The following FAM81A variants were observed in gnomAD, a reference collection of about 807,000 sequenced individuals.
FAM81A encodes the protein protein FAM81A.
A neutral mutation model predicts 46.7 loss-of-function variants in FAM81A; 19 were observed. The observed-to-expected ratio is 0.41, with a 90% CI of 0.28 to 0.60. FAM81A has a LOEUF of 0.60. Among genes scored for constraint, FAM81A ranks in the 20% least tolerant of loss-of-function variants. The pLI is 0.34. For missense variants in FAM81A, 377 were observed against 453.5 expected, an observed-to-expected ratio of 0.83 and a Z score of 1.53; for synonymous variants, 183 against 152.9, an observed-to-expected ratio of 1.20 and a Z score of -1.45.
intron 8 of FAM81A, among the ~76,000 whole-genome samples, chr15:59,519,243 C>T (rs2082300884): frequency 1.3e-5 from 2 of 151,686 alleles, no homozygotes; most frequent in Admixed American, 6.6e-5. Flanking sequence ...GGCTGGAGTG[C>T]AGTGGTGCAG....
intron 1 of FAM81A, among the ~76,000 whole-genome samples, chr15:59,441,632 C>T (rs2081298711): frequency 6.6e-6 from 1 of 152,232 alleles, no homozygotes; most frequent in Admixed American, 6.5e-5. Flanking sequence ...GCATAGGTGT[C>T]CTGGCTGCAG....
At position 59,522,641 on chromosome 15, in the gene FAM81A, G is replaced by C. The variant is rs1221395066; in HGVS notation, c.*1263G>C. On this transcript the variant is annotated 3_prime_UTR_variant, in exon 9 of 9. Transcript: ENST00000288228. ...TCATCTCTGTATGTAAAAACTGACA[G>C]TGAGACACAACGTTCTGAACTGTGA... 3.3e-5 allele frequency: 5 copies of C among 152,524 alleles called. No homozygotes were observed. Among genetic ancestry groups the C allele is most frequent in the Non-Finnish European group, 7.3e-5 (5 of 68,032 alleles). 9.4% of individuals were successfully genotyped at this position (152,524 alleles called of 1,614,324 possible).
intron 2 of FAM81A, among the ~76,000 whole-genome samples, chr15:59,415,471 A>C (rs537544400): frequency 5.9e-5 from 9 of 152,302 alleles, no homozygotes; most frequent in African/African-American, 1.7e-4. Flanking sequence ...CAATCTAATC[A>C]TGAGTGCTTA....
rs189635832 is a variant in FAM81A at position 59,473,843 on chromosome 15, T to C, written c.294+13637T>C. Among the ~76,000 whole-genome samples the C allele has an allele frequency of 3.2e-3, 484 of 152,296 alleles. 3 individuals are homozygous for C. The highest frequency in any genetic ancestry group is 0.011 in the African/African-American group (461 of 41,546). On this transcript the variant is annotated intron_variant, in intron 3 of 8. Transcript: ENST00000288228. ...TACTCCAGTGGCCAGAACCACTTTA[T>C]TTTATTTTATTTTTTTAGAGACAAG...
intron 4 of FAM81A, among the ~76,000 whole-genome samples, chr15:59,502,643 A>G (rs1055479982): frequency 6.6e-6 from 1 of 151,852 alleles, no homozygotes; most frequent in Non-Finnish European, 1.5e-5. Flanking sequence ...CCTCCCGAGT[A>G]GCTGGGATTA....
At chr15:59,430,466 G>A (rs985594364) in intron 2 of FAM81A, among the ~76,000 whole-genome samples, 4 of 151,846 alleles carry the variant, frequency 2.6e-5, no homozygotes, top group East Asian at 1.9e-4. Flanking sequence ...GGGTTTCACC[G>A]TGTTAGCCAG....
Position 59,516,904 on chromosome 15 carries a change from G to A in FAM81A, c.982+64G>A, listed in dbSNP as rs1356084460. On this transcript the variant is annotated intron_variant, in intron 8 of 8. Coordinates refer to ENST00000288228, the MANE Select transcript of FAM81A (RefSeq NM_152450.3). ...TGTTTGTTCTAAAACCTATTAATTAGTATCCCCTGCAACTACCTATGAACC... is the reference window on the plus strand; with the variant it reads ...TGTTTGTTCTAAAACCTATTAATTAATATCCCCTGCAACTACCTATGAACC... 4.2e-6 allele frequency: 6 copies of A among 1,421,188 alleles called. No individual in the cohort carries two copies. In the African/African-American group the frequency reaches 4.3e-5, roughly 10 times the overall value. 88.0% of individuals were successfully genotyped at this position (1,421,188 alleles called of 1,614,324 possible). A position where few individuals can be genotyped will look rare whatever the true frequency, so the allele number is the denominator to read the frequency against.
In FAM81A at chr15:59,522,784, C is replaced by T. The variant is rs2082340045; in HGVS notation, c.*1406C>T. 6.6e-6 allele frequency: 1 copy of T among 152,584 alleles called. No individual in the cohort carries two copies. The highest frequency in any genetic ancestry group is 1.5e-5 in the Non-Finnish European group (1 of 68,038). The allele number at this position is 152,584 out of a possible 1,614,324, so 9.5% of individuals were successfully genotyped here. A position where few individuals can be genotyped will look rare whatever the true frequency, so the allele number is the denominator to read the frequency against. ...CATTTTCTATTTTTAGGACAAATCA[C>T]AAATGAAGTGTCTAACTGGCTATTA... On this transcript the variant is annotated 3_prime_UTR_variant, in exon 9 of 9. Transcript: ENST00000288228.
chr15:59,464,195 A>G (rs1279627135), intron 3 of FAM81A, among the ~76,000 whole-genome samples: 8 of 152,112 alleles, frequency 5.3e-5, no homozygotes, highest in Non-Finnish European at 8.8e-5. Flanking sequence ...TATACACCAC[A>G]TTGTCTTTAT....
intron 7 of FAM81A, among the ~76,000 whole-genome samples, chr15:59,515,883 G>A (rs969089987): frequency 1.3e-5 from 2 of 152,122 alleles, no homozygotes; most frequent in Admixed American, 1.3e-4. Context: ...TATAGGTAAT[G>A]CAGGACTGGT....
chr15:59,452,622 G>A (rs1247668377), intron 1 of FAM81A, among the ~76,000 whole-genome samples: 1 of 152,194 alleles, frequency 6.6e-6, no homozygotes, highest in African/African-American at 2.4e-5. Context: ...ATTCTAACCT[G>A]GGTGACAGAA....
At chr15:59,470,259 G>T (rs1220207727) in intron 3 of FAM81A, among the ~76,000 whole-genome samples, 1 of 152,136 alleles carries the variant, frequency 6.6e-6, no homozygotes, top group South Asian at 2.1e-4. Flanking sequence ...GGCCTGGCTA[G>T]GTTGGGGAAA....
chr15:59,423,386 T>C (rs748071907), intron 2 of FAM81A, among the ~76,000 whole-genome samples: 1 of 152,164 alleles, frequency 6.6e-6, no homozygotes, highest in Non-Finnish European at 1.5e-5. Flanking sequence ...GCGTGAGCCA[T>C]CGCGCCTGGT....
chr15:59,413,347 G>A (rs1480000326), intron 2 of FAM81A, among the ~76,000 whole-genome samples: 3 of 151,344 alleles, frequency 2.0e-5, no homozygotes, highest in East Asian at 3.9e-4. Flanking sequence ...AGGTGCGAAC[G>A]TAACTGGCTG....
intron 3 of FAM81A, among the ~76,000 whole-genome samples, chr15:59,483,157 C>T (rs1338828032): frequency 6.6e-6 from 1 of 152,118 alleles, no homozygotes; most frequent in African/African-American, 2.4e-5. Context: ...TCTGCCTCAG[C>T]CTCCTGAGTA....
intron 2 of FAM81A, among the ~76,000 whole-genome samples, chr15:59,428,397 C>A (rs2081204189): frequency 6.7e-6 from 1 of 149,724 alleles, no homozygotes; most frequent in Admixed American, 6.7e-5. Flanking sequence ...TTTCTTAGTC[C>A]TGAGAATTCT....
At chr15:59,451,245 G>GACT (rs1280205002) in intron 1 of FAM81A, among the ~76,000 whole-genome samples, 5 of 152,150 alleles carry the variant, frequency 3.3e-5, no homozygotes, top group African/African-American at 1.2e-4. Context: ...ACTTGGGCTT[G>GACT]TGTTTGCCGA....
In FAM81A at chr15:59,438,217, C is replaced by A. The variant is rs1236784068; in HGVS notation, c.-143C>A. The A allele has an allele frequency of 6.8e-6, 1 of 147,528 alleles. No homozygotes were observed. Among genetic ancestry groups the A allele is most frequent in the Non-Finnish European group, 1.5e-5 (1 of 66,324 alleles). 9.1% of individuals were successfully genotyped at this position (147,528 alleles called of 1,614,324 possible). The stretch of plus-strand genomic sequence containing the variant: ...GGGCGCCCTGCTCAGCCAGCGCCAG[C>A]GGCCGCCGCACCCAGCCGCGCCGGC... On this transcript the variant is annotated 5_prime_UTR_variant, in exon 1 of 9. Coordinates refer to ENST00000288228, the MANE Select transcript of FAM81A (RefSeq NM_152450.3).
intron 3 of FAM81A, among the ~76,000 whole-genome samples, chr15:59,479,971 G>T (rs1339065947): frequency 6.6e-6 from 1 of 152,196 alleles, no homozygotes; most frequent in Non-Finnish European, 1.5e-5. Context: ...TCGTGGAGAA[G>T]GATTTTAGGG....
Sources: gnomAD v4.1 joint callset for allele counts (sites outside exome capture counted in the v4.1 genomes callset) on GRCh38, gnomAD v4.1.1 for gene constraint, MANE v1.5 for transcripts, NCBI Gene and HGNC (gene_info 2026-07-23, HGNC 2026-07-21) for gene names.